CRACD: variants seen among roughly 807,000 people sequenced by gnomAD.
The protein encoded by CRACD is capping protein-inhibiting regulator of actin dynamics.
A neutral mutation model predicts 106.8 loss-of-function variants in CRACD; 56 were observed. The observed-to-expected ratio is 0.52, with a 90% CI of 0.42 to 0.66. The LOEUF (loss-of-function observed/expected upper bound fraction) is 0.66. CRACD is among the 30% of genes least tolerant of loss of function. The pLI is 0.00. For synonymous variants in CRACD, 754 were observed against 670.8 expected (o/e 1.12, Z -1.92); for missense variants, 1,730 against 1,623.2 (o/e 1.07, Z -1.13).
In CRACD at chr4:56,327,793, A is replaced by G. The variant is rs369201601; in HGVS notation, c.3691A>G (p.Ile1231Val). The change falls in exon 11 of 11, where the codon ATT becomes GTT. Residue 1231 changes from isoleucine to valine, a missense_variant. By Grantham distance (29) the Ile-to-Val change is conservative (BLOSUM62 3). This residue lies in a region of CRACD where 15 missense variants were observed against 16.1 expected (regional missense o/e 0.93). Transcript: ENST00000682029. Reference sequence around the variant, plus strand: ...AAAGGCTTGGAGCGACTGTCCACAGATTATTAAGTAAAGAGTGACTCTCAC... The same window carrying G: ...AAAGGCTTGGAGCGACTGTCCACAGGTTATTAAGTAAAGAGTGACTCTCAC... ...KAKAWSDCPQ[I>V]IK is the part of the protein sequence containing the mutation. 2 of 1,614,070 alleles carry G rather than the reference A, an allele frequency of 1.2e-6. No individual in the cohort carries two copies. Among genetic ancestry groups the G allele is most frequent in the African/African-American group, 2.7e-5 (2 of 75,054 alleles).
intron 2 of CRACD, among the ~76,000 whole-genome samples, chr4:56,235,815 A>G (rs893080674): frequency 7.9e-5 from 12 of 152,220 alleles, no homozygotes; most frequent in African/African-American, 2.7e-4. Flanking sequence ...AACTACATGT[A>G]TCTATATCTG....
rs1372134999 is a variant in CRACD, at chr4:56,314,566, C to CGGAGGAGCTCAAAAGGCA, written c.1072_1089dup (p.Leu358_Glu363dup). 6.6e-7 allele frequency: 1 copy of CGGAGGAGCTCAAAAGGCA among 1,511,856 alleles called. No homozygotes were observed. Among genetic ancestry groups the CGGAGGAGCTCAAAAGGCA allele is most frequent in the East Asian group, 2.5e-5 (1 of 40,570 alleles). The allele number at this position is 1,511,856 out of a possible 1,614,324, so 93.7% of individuals were successfully genotyped here. A position where few individuals can be genotyped will look rare whatever the true frequency, so the allele number is the denominator to read the frequency against. On this transcript the variant is annotated inframe_insertion, in exon 8 of 11. Coordinates refer to ENST00000682029, the MANE Select transcript of CRACD (RefSeq NM_001393381.1). This position sits in a 1 kb window ranked among gnomAD's most constrained non-coding sequence, Gnocchi z 4.4. ...CAGGAGGAGGAGGAAGGAAGATGCG[C>CGGAGGAGCTCAAAAGGCA]GGAGGAGCTCAAAAGGCAGGAGGAG... is the stretch of plus-strand genomic sequence containing the variant.
At position 56,315,727 on chromosome 4, in the gene CRACD, C is replaced by T; in HGVS notation, c.2225C>T (p.Ala742Val). The T allele has an allele frequency of 1.9e-6, 3 of 1,614,092 alleles. No individual in the cohort carries two copies. The highest frequency in any genetic ancestry group is 2.5e-6 in the Non-Finnish European group (3 of 1,180,048). Residue 742 changes from alanine to valine, a missense_variant, in exon 8 of 11, where the codon GCT becomes GTT. Ala to Val is a moderately conservative substitution (Grantham distance 64). Coordinates refer to ENST00000682029, the MANE Select transcript of CRACD (RefSeq NM_001393381.1). This position sits in a 1 kb window ranked among gnomAD's most constrained non-coding sequence, Gnocchi z 4.1. The part of the protein sequence containing the change: ...GTETSKQSTE[A>V]ESIRKRPMLG... ...GAGACCTCCAAACAGAGCACGGAAG[C>T]TGAAAGCATACGAAAAAGACCCATG...
intron 1 of CRACD, among the ~76,000 whole-genome samples, chr4:56,061,736 G>C (rs1313571801): frequency 6.6e-6 from 1 of 152,122 alleles, no homozygotes; most frequent in African/African-American, 2.4e-5. Flanking sequence ...CAGGTGAGTG[G>C]AGTAAAAAGT....
intron 2 of CRACD, among the ~76,000 whole-genome samples, chr4:56,186,204 T>G (rs1404485815): frequency 6.6e-6 from 1 of 152,188 alleles, no homozygotes; most frequent in Non-Finnish European, 1.5e-5. Context: ...CCTTTTGTGA[T>G]GGTAGAAGAG....
At chr4:56,272,107 C>T (rs1402384796) in intron 2 of CRACD, among the ~76,000 whole-genome samples, 1 of 152,212 alleles carries the variant, frequency 6.6e-6, no homozygotes, top group Admixed American at 6.5e-5. Flanking sequence ...AGACGATTCA[C>T]CATGCCTTTG....
At chr4:56,259,141 G>A (rs562214840) in intron 2 of CRACD, among the ~76,000 whole-genome samples, 37 of 152,198 alleles carry the variant, frequency 2.4e-4, no homozygotes, top group Non-Finnish European at 4.9e-4. Context: ...GGGGCAAAAA[G>A]CAGGGGCTTT....
chr4:56,156,211 C>T (rs1458280217), intron 1 of CRACD, among the ~76,000 whole-genome samples: 2 of 152,242 alleles, frequency 1.3e-5, no homozygotes, highest in Non-Finnish European at 2.9e-5. Context: ...ATCCGCTTGC[C>T]TTGGCCTCCC....
intron 1 of CRACD, among the ~76,000 whole-genome samples, chr4:56,060,714 C>T (rs1173683820): frequency 6.6e-6 from 1 of 152,014 alleles, no homozygotes; most frequent in African/African-American, 2.4e-5. Flanking sequence ...ATCCTAAACC[C>T]CAAGGTGATG....
intron 2 of CRACD, among the ~76,000 whole-genome samples, chr4:56,200,074 T>C (rs1393851311): frequency 6.6e-6 from 1 of 151,550 alleles, no homozygotes; most frequent in Non-Finnish European, 1.5e-5. Flanking sequence ...AGTTTCACCT[T>C]TATGTTGGTG....
Position 56,327,720 on chromosome 4 carries a change from C to G in CRACD, c.3618C>G (p.Ala1206=), listed in dbSNP as rs757254361. Residue 1206 remains alanine, a synonymous_variant, in exon 11 of 11, where the codon GCC becomes GCG. Coordinates refer to ENST00000682029, the MANE Select transcript of CRACD (RefSeq NM_001393381.1). ...AGAGGTTTTCCACCCCGGATGCTGC[C>G]CCCGTGTCAACAGAACCAGCCTGGC... ...VTKRFSTPDA[A]PVSTEPAWLA... The G allele has an allele frequency of 3.7e-6, 6 of 1,613,972 alleles. No individual in the cohort carries two copies. In the African/African-American group the frequency reaches 8.0e-5, roughly 22 times the overall value.
chr4:56,129,239 TA>T (rs1268856966), intron 1 of CRACD, among the ~76,000 whole-genome samples: 4 of 152,128 alleles, frequency 2.6e-5, no homozygotes, highest in Admixed American at 6.5e-5. Flanking sequence ...GGCTAATTTT[TA>T]AATTATTTGT....
intron 2 of CRACD, among the ~76,000 whole-genome samples, chr4:56,219,625 T>C (rs1300622717): frequency 6.6e-6 from 1 of 152,148 alleles, no homozygotes; most frequent in Non-Finnish European, 1.5e-5. Context: ...CAAAGTGCTG[T>C]GATTACAGGG....
At chr4:56,069,927 C>G (rs1732580069) in intron 1 of CRACD, among the ~76,000 whole-genome samples, 2 of 152,190 alleles carry the variant, frequency 1.3e-5, no homozygotes, top group Non-Finnish European at 2.9e-5. Context: ...ACAAGCTTAA[C>G]CTACAGCTCT....
chr4:56,095,668 C>G (rs1201945623), intron 1 of CRACD, among the ~76,000 whole-genome samples: 3 of 152,100 alleles, frequency 2.0e-5, no homozygotes, highest in Non-Finnish European at 2.9e-5. Context: ...GATGAGGTAA[C>G]CTGGTCCCTC....
Position 56,095,234 on chromosome 4 carries a change from C to T in CRACD, c.-336+45935C>T, listed in dbSNP as rs527929607. ...GGGCATGGTGGCACCTGCCTGTAGT[C>T]CCAGCTACTTGGGAGGCTGAGGTGG... On this transcript the variant is annotated intron_variant, in intron 1 of 10. Transcript: ENST00000682029. Among the ~76,000 whole-genome samples, 11 of 152,236 alleles carry T rather than the reference C, an allele frequency of 7.2e-5. No homozygotes were observed. In the South Asian group the frequency reaches 2.1e-3, roughly 29 times the overall value.
chr4:56,177,533 A>C (rs1736639067), intron 1 of CRACD, among the ~76,000 whole-genome samples: 1 of 152,116 alleles, frequency 6.6e-6, no homozygotes, highest in African/African-American at 2.4e-5. Context: ...TGCCCTTGTA[A>C]AATAAGTGTG....
At chr4:56,325,228 G>A (rs1242512962) in intron 10 of CRACD, among the ~76,000 whole-genome samples, 1 of 152,168 alleles carries the variant, frequency 6.6e-6, no homozygotes, top group Non-Finnish European at 1.5e-5. Context: ...CCACCTACTT[G>A]GGAGGCTGAG....
At chr4:56,224,042 C>G (rs910059290) in intron 2 of CRACD, among the ~76,000 whole-genome samples, 1 of 152,176 alleles carries the variant, frequency 6.6e-6, no homozygotes, top group African/African-American at 2.4e-5. Context: ...CAGGTGTGCA[C>G]CACCAGGCCT....
Sources: allele counts gnomAD v4.1 joint callset (sites outside exome capture counted in the v4.1 genomes callset), GRCh38; gene constraint gnomAD v4.1.1; regional missense constraint gnomAD v4.1.1; non-coding constraint Gnocchi (gnomAD v3.1); transcripts MANE v1.5; gene names NCBI Gene and HGNC (gene_info 2026-07-23, HGNC 2026-07-21).